MDN1: variants seen among roughly 807,000 people sequenced by gnomAD.
MDN1 encodes the protein midasin AAA ATPase 1, also known as midasin.
In MDN1, 266 loss-of-function variants were observed where a neutral mutation model predicts 669.2. That is an observed-to-expected ratio of 0.40 (90% CI 0.36 to 0.44). MDN1 has a LOEUF of 0.44. Among genes scored for constraint, MDN1 ranks in the 20% least tolerant of loss-of-function variants. The probability of loss-of-function intolerance (pLI) is 1.00; values close to 1 mark genes in which losing one functional copy is unlikely to be tolerated. For missense variants in MDN1, 5,940 were observed against 6,754.0 expected, an observed-to-expected ratio of 0.88 and a Z score of 4.22; for synonymous variants, 2,385 against 2,457.1, an observed-to-expected ratio of 0.97 and a Z score of 0.87.
intron 33 of MDN1, among the ~76,000 whole-genome samples, chr6:89,737,723 ATTTTTT>A (rs369806177): frequency 1.6e-5 from 2 of 128,934 alleles, no homozygotes. Flanking sequence ...TCCCAGCCTA[ATTTTTT>A]TTTTTTTTTT....
intron 40 of MDN1, among the ~76,000 whole-genome samples, chr6:89,722,134 T>C (rs1444131617): frequency 1.3e-5 from 2 of 152,222 alleles, no homozygotes; most frequent in African/African-American, 4.8e-5. Context: ...GGATTTTAAA[T>C]ACCACAAACT....
chr6:89,689,328 G>T (rs1812226747), intron 65 of MDN1, among the ~76,000 whole-genome samples: 1 of 152,168 alleles, frequency 6.6e-6, no homozygotes, highest in Non-Finnish European at 1.5e-5. Context: ...AATGGTGTAG[G>T]GGTTAACTCA....
At position 89,714,585 on chromosome 6, in the gene MDN1, T is replaced by A. The variant is rs1223340703; in HGVS notation, c.7027A>T (p.Ile2343Phe). ...GTCTCTGTGTGTAAAGCCAAGAGGA[T>A]GTCACATACACTGTTCCCCACCAAT... ...LGLVGNSVCD[I>F]LLALHTETRS... Residue 2343 changes from isoleucine (I) to phenylalanine (F), a missense_variant, in exon 46 of 102, where the codon ATC becomes TTC. By Grantham distance (21) the Ile-to-Phe change is conservative. This residue lies in a region of MDN1 where 2,292 missense variants were observed against 2,638.3 expected (regional missense o/e 0.87). Transcript: ENST00000369393. 1.9e-6 allele frequency: 3 copies of A among 1,613,644 alleles called. No individual in the cohort carries two copies. Among genetic ancestry groups the A allele is most frequent in the East Asian group, 2.2e-5 (1 of 44,878 alleles).
intron 5 of MDN1, among the ~76,000 whole-genome samples, chr6:89,791,961 G>A (rs1040172700): frequency 2.9e-5 from 4 of 139,752 alleles, no homozygotes; most frequent in South Asian, 2.2e-4. Flanking sequence ...TCCGCCTCCC[G>A]GGTTCAAGCC....
intron 13 of MDN1, 133 bp downstream of exon 13, chr6:89,774,488 C>T (rs1584351431): frequency 3.3e-6 from 2 of 601,544 alleles, no homozygotes; most frequent in East Asian, 2.9e-5. Flanking sequence ...AAACACTGCT[C>T]CTTCCCATAT....
chr6:89,687,417 G>T lies in MDN1; in HGVS notation c.11377C>A (p.Arg3793=), dbSNP rs1261354166. 6.2e-6 allele frequency: 10 copies of T among 1,613,850 alleles called. No homozygotes were observed. Among genetic ancestry groups the T allele is most frequent in the Non-Finnish European group, 8.5e-6 (10 of 1,179,918 alleles). ...KAQDWEENAS[R]ALSLRKHLDL... ...AGATGTTTCCGCAAAGACAAAGCTC[G>T]ACTTGCATTTTCCTCCCAATCCTAA... The change falls in exon 68 of 102, where the codon CGA becomes AGA. Residue 3793 remains arginine (R), a synonymous_variant. Coordinates refer to ENST00000369393, the MANE Select transcript of MDN1 (RefSeq NM_014611.3).
intron 83 of MDN1, among the ~76,000 whole-genome samples, chr6:89,669,332 T>TG (rs1267160066): frequency 2.0e-5 from 3 of 152,262 alleles, no homozygotes; most frequent in Non-Finnish European, 4.4e-5. Context: ...AAGGCTGGCC[T>TG]GGTGCCCACC....
At chr6:89,797,148 G>C (rs1242083131) in intron 2 of MDN1, among the ~76,000 whole-genome samples, 1 of 151,972 alleles carries the variant, frequency 6.6e-6, no homozygotes, top group African/African-American at 2.4e-5. Flanking sequence ...AAGGGAGGTG[G>C]ATCACAAGGT....
At chr6:89,746,608 AAAAAAAGAAAGAAAGAAAGAAAG>A (rs1391944084) in intron 27 of MDN1, among the ~76,000 whole-genome samples, 22 of 114,872 alleles carry the variant, frequency 1.9e-4, no homozygotes, top group African/African-American at 3.9e-4. Context: ...AAAAAAAAAA[AAAAAAAGAAAGAAAGAAAGAAAG>A]AAAGAAAGAA....
At chr6:89,717,648 T>C (rs1329338639) in intron 43 of MDN1, among the ~76,000 whole-genome samples, 1 of 152,178 alleles carries the variant, frequency 6.6e-6, no homozygotes, top group East Asian at 1.9e-4. Flanking sequence ...AGTAAAGGAT[T>C]TCAAGTTCAA....
At chr6:89,726,298 T>C (rs1284597854) in intron 37 of MDN1, among the ~76,000 whole-genome samples, 2 of 151,472 alleles carry the variant, frequency 1.3e-5, no homozygotes, top group African/African-American at 4.8e-5. Context: ...TTGTCTCTAC[T>C]AAAAATACAA....
chr6:89,789,999 G>A (rs1246878331), intron 6 of MDN1, 88 bp from the exon 7 acceptor site: 3 of 1,581,960 alleles, frequency 1.9e-6, no homozygotes, highest in African/African-American at 1.4e-5. Flanking sequence ...TCTTCTATAG[G>A]TAGGTGTAAG....
intron 65 of MDN1, 92 bp from the exon 66 acceptor site, chr6:89,688,900 T>C: frequency 9.6e-7 from 1 of 1,037,516 alleles, no homozygotes; most frequent in Non-Finnish European, 1.4e-6. Context: ...CCAGGTGCAG[T>C]GGCTCATGTC....
chr6:89,811,299 G>T (rs556932147), intron 1 of MDN1, among the ~76,000 whole-genome samples: 1 of 152,252 alleles, frequency 6.6e-6, no homozygotes, highest in South Asian at 2.1e-4. Context: ...GTGGGTGGGG[G>T]TTATAGGAAA....
Position 89,712,570 on chromosome 6 carries a change from C to T in MDN1, c.7430+5G>A. On this transcript the variant is annotated splice_donor_5th_base_variant and intron_variant, in intron 48 of 101. Transcript: ENST00000369393. ...CCAGAGACACAAGCTGAAGGCTCCA[C>T]TGACCTTGTCCAGCTGCTGGTTTTC... 2 of 1,613,242 alleles carry T rather than the reference C, an allele frequency of 1.2e-6. No homozygotes were observed. Among genetic ancestry groups the T allele is most frequent in the East Asian group, 2.2e-5 (1 of 44,886 alleles).
At chr6:89,774,832 A>G (rs1321272384) in intron 12 of MDN1, 99 bp from the exon 13 acceptor site, 2 of 750,804 alleles carry the variant, frequency 2.7e-6, no homozygotes, top group Non-Finnish European at 4.6e-6. Context: ...GCACTCTACA[A>G]AGAATTATTC....
chr6:89,663,019 G>A lies in MDN1; in HGVS notation c.14237-52C>T, dbSNP rs1026804210. On this transcript the variant is annotated intron_variant, in intron 85 of 101. Transcript: ENST00000369393. ...CAGATCTCCAAACTGACCCAGTCCT[G>A]TGTATTTAAGAGAGGTGTGGACCCG... is the stretch of plus-strand genomic sequence containing the variant. 1.6e-5 allele frequency: 25 copies of A among 1,602,494 alleles called. No individual in the cohort carries two copies. The African/African-American group carries it at 2.1e-4, about 14-fold the overall frequency.
At chr6:89,777,977 A>G (rs1818438273) in intron 11 of MDN1, among the ~76,000 whole-genome samples, 1 of 152,198 alleles carries the variant, frequency 6.6e-6, no homozygotes. Flanking sequence ...GACTGCTTTG[A>G]GTAATAATAA....
At chr6:89,705,864 A>C (rs1441743010) in intron 53 of MDN1, among the ~76,000 whole-genome samples, 195 bp downstream of exon 53, 1 of 152,240 alleles carries the variant, frequency 6.6e-6, no homozygotes, top group African/African-American at 2.4e-5. Context: ...AAATATATGC[A>C]GTTTATAATA....
Sources: allele counts gnomAD v4.1 joint callset (sites outside exome capture counted in the v4.1 genomes callset), GRCh38; gene constraint gnomAD v4.1.1; regional missense constraint gnomAD v4.1.1; transcripts MANE v1.5; gene names NCBI Gene and HGNC (gene_info 2026-07-23, HGNC 2026-07-21).